The following RIMS2 variants were observed in gnomAD, a reference collection of about 807,000 sequenced individuals.
The protein encoded by RIMS2 is regulating synaptic membrane exocytosis protein 2.
RIMS2 carries 59 observed loss-of-function variants against 174.4 expected under a neutral mutation model. That is an observed-to-expected ratio of 0.34 (90% CI 0.27 to 0.42). RIMS2 has a LOEUF of 0.42. Ranked by LOEUF, RIMS2 falls within the 10% of genes least tolerant of loss-of-function variation. RIMS2 has a pLI of 1.00. For missense variants in RIMS2, 1,620 were observed against 1,666.3 expected, an observed-to-expected ratio of 0.97 and a Z score of 0.48; for synonymous variants, 606 against 572.5, an observed-to-expected ratio of 1.06 and a Z score of -0.84.
intron 19 of RIMS2, among the ~76,000 whole-genome samples, chr8:104,205,495 C>CTGTGTGTGTGTGTG (rs55980964): frequency 6.6e-6 from 1 of 150,898 alleles, no homozygotes; most frequent in African/African-American, 2.4e-5. Flanking sequence ...TGTGAAGTGT[C>CTGTGTGTGTGTGTG]TGTGTGTGTG....
chr8:104,105,334 G>A (rs553084607), intron 19 of RIMS2, among the ~76,000 whole-genome samples: 6 of 152,286 alleles, frequency 3.9e-5, no homozygotes, highest in Admixed American at 6.5e-5. Flanking sequence ...AACCTAGGAA[G>A]AAGGATAAGT....
intron 2 of RIMS2, among the ~76,000 whole-genome samples, chr8:103,730,915 G>T (rs1045563214): frequency 3.3e-5 from 5 of 152,186 alleles, no homozygotes; most frequent in Non-Finnish European, 7.3e-5. Flanking sequence ...AAAGGAAAGA[G>T]GTTTAATTGA....
intron 20 of RIMS2, among the ~76,000 whole-genome samples, chr8:104,245,426 G>A (rs2099326019): frequency 6.6e-6 from 1 of 152,182 alleles, no homozygotes; most frequent in Non-Finnish European, 1.5e-5. Context: ...TCGCCATCCT[G>A]AGAATTATTG....
At position 104,243,729 on chromosome 8, in the gene RIMS2, C is replaced by T. The variant is rs148277647; in HGVS notation, c.3335-1187C>T. Reference sequence around the variant, plus strand: ...AATACCAGCCACTAAAAGAGCTAACCGTATGGTTGTATCCCAAAAAGCTAT... The same window carrying T: ...AATACCAGCCACTAAAAGAGCTAACTGTATGGTTGTATCCCAAAAAGCTAT... On this transcript the variant is annotated intron_variant, in intron 19 of 23. Coordinates refer to ENST00000504942, the Ensembl canonical transcript of RIMS2. Among the ~76,000 whole-genome samples the T allele has an allele frequency of 4.6e-5, 7 of 152,208 alleles. No individual in the cohort carries two copies. The East Asian group carries it at 9.7e-4, about 21-fold the overall frequency.
At chr8:103,584,523 T>C (rs1593495) in intron 1 of RIMS2, among the ~76,000 whole-genome samples, 18,829 of 152,024 alleles carry the variant, frequency 0.12, 1,260 homozygotes, top group Middle Eastern at 0.22. Context: ...TCAAAATAAC[T>C]ACAACATTTT....
Position 103,900,539 on chromosome 8 carries a change from G to A in RIMS2, c.1625-9595G>A, listed in dbSNP as rs1327386644. Reference sequence around the variant, plus strand: ...AGACTGCTATAAATACCACTAAATGGAATCTGTGGAATTATTGAGCCTACC... The same window carrying A: ...AGACTGCTATAAATACCACTAAATGAAATCTGTGGAATTATTGAGCCTACC... On this transcript the variant is annotated intron_variant, in intron 4 of 23. Transcript: ENST00000504942. 3.3e-5 allele frequency among the ~76,000 whole-genome samples: 5 copies of A among 152,192 alleles called. No homozygotes were observed. In the East Asian group the frequency reaches 9.7e-4, roughly 30 times the overall value.
At chr8:104,017,997 C>T (rs1199718879) in intron 19 of RIMS2, among the ~76,000 whole-genome samples, 1 of 152,150 alleles carries the variant, frequency 6.6e-6, no homozygotes, top group African/African-American at 2.4e-5. Flanking sequence ...ATCACTTGAG[C>T]CCAGGAGACG....
At chr8:103,819,675 G>C (rs2098739727) in intron 3 of RIMS2, 1 of 1,466,030 alleles carries the variant, frequency 6.8e-7, no homozygotes, top group Admixed American at 1.9e-5. Context: ...GTTATTTTCA[G>C]AATAATCTTA....
At chr8:103,962,929 A>T (rs905972066) in intron 15 of RIMS2, among the ~76,000 whole-genome samples, 2 of 152,198 alleles carry the variant, frequency 1.3e-5, no homozygotes, top group Non-Finnish European at 2.9e-5. Context: ...AAAAATTAGG[A>T]TGATGGTATT....
At chr8:103,591,262 T>G (rs1185237616) in intron 1 of RIMS2, among the ~76,000 whole-genome samples, 4 of 151,102 alleles carry the variant, frequency 2.6e-5, no homozygotes, top group Non-Finnish European at 4.5e-5. Flanking sequence ...GGTTGTTGGA[T>G]TTTTTTAATC....
At chr8:103,635,281 T>C (rs1367060474) in intron 1 of RIMS2, among the ~76,000 whole-genome samples, 1 of 152,228 alleles carries the variant, frequency 6.6e-6, no homozygotes, top group East Asian at 1.9e-4. Flanking sequence ...TTTCTTAACA[T>C]TTTCTTATCT....
At chr8:103,621,198 A>T (rs1269569144) in intron 1 of RIMS2, among the ~76,000 whole-genome samples, 1 of 152,214 alleles carries the variant, frequency 6.6e-6, no homozygotes, top group East Asian at 1.9e-4. Context: ...CAGCAAGGCC[A>T]TTGTTACTTT....
chr8:103,747,791 G>A (rs755351743), intron 2 of RIMS2, among the ~76,000 whole-genome samples: 5 of 152,114 alleles, frequency 3.3e-5, no homozygotes, highest in African/African-American at 1.2e-4. Context: ...AGCAATTTCC[G>A]TGTAAAGGTC....
At chr8:103,736,294 A>G (rs2097684701) in intron 2 of RIMS2, among the ~76,000 whole-genome samples, 1 of 152,210 alleles carries the variant, frequency 6.6e-6, no homozygotes, top group Admixed American at 6.6e-5. Context: ...GGAATTCTGC[A>G]GAACAATGTA....
chr8:104,208,816 C>T (rs959347303), intron 19 of RIMS2, among the ~76,000 whole-genome samples: 2 of 152,150 alleles, frequency 1.3e-5, no homozygotes, highest in African/African-American at 2.4e-5. Flanking sequence ...GGATTACAGG[C>T]GTGAGCCACC....
intron 2 of RIMS2, among the ~76,000 whole-genome samples, chr8:103,753,353 A>C (rs1004104010): frequency 6.6e-6 from 1 of 151,952 alleles, no homozygotes; most frequent in Non-Finnish European, 1.5e-5. Flanking sequence ...TTTATTGAGG[A>C]TTTTTGCATC....
intron 23 of RIMS2, among the ~76,000 whole-genome samples, chr8:104,251,386 C>G (rs2099358721): frequency 6.6e-6 from 1 of 152,192 alleles, no homozygotes; most frequent in South Asian, 2.1e-4. Context: ...ATTCCAGTCT[C>G]TCTGGATTTC....
At chr8:103,984,233 T>C (rs1209631083) in intron 16 of RIMS2, among the ~76,000 whole-genome samples, 1 of 151,876 alleles carries the variant, frequency 6.6e-6, no homozygotes, top group Non-Finnish European at 1.5e-5. Context: ...AAAAAGCTTC[T>C]GCACAGCAAA....
intron 3 of RIMS2, among the ~76,000 whole-genome samples, chr8:103,795,471 A>T (rs1183169739): frequency 1.3e-5 from 2 of 152,144 alleles, no homozygotes; most frequent in African/African-American, 4.8e-5. Flanking sequence ...ATTAGGACAT[A>T]TACCTAATGA....
Sources: allele counts gnomAD v4.1 joint callset (sites outside exome capture counted in the v4.1 genomes callset), GRCh38; gene constraint gnomAD v4.1.1; transcripts MANE v1.5; gene names NCBI Gene and HGNC (gene_info 2026-07-23, HGNC 2026-07-21).